Variants in ANKMY1 observed in about 807,000 individuals in gnomAD.
ANKMY1 encodes ankyrin repeat and MYND domain containing 1, also known as ankyrin repeat and MYND domain-containing protein 1.
In ANKMY1, 98 loss-of-function variants were observed where a neutral mutation model predicts 102.0. The ratio of observed to expected loss-of-function variants is 0.96; its 90% CI spans 0.82 to 1.14. ANKMY1 has a LOEUF of 1.14. ANKMY1 is among the 50% of genes most tolerant of loss of function. The pLI is 0.00. For synonymous variants in ANKMY1, 582 were observed against 559.9 expected (o/e 1.04, Z -0.56); for missense variants, 1,330 against 1,347.6 (o/e 0.99, Z 0.20).
intron 5 of ANKMY1, 60 bp from the exon 6 acceptor site, chr2:240,526,505 G>T (rs537248786): frequency 2.3e-5 from 37 of 1,603,004 alleles, no homozygotes; most frequent in Non-Finnish European, 2.8e-5. Flanking sequence ...CACGAGAAAG[G>T]GTCCAGCTGG....
intron 4 of ANKMY1, among the ~76,000 whole-genome samples, chr2:240,542,135 G>C (rs938191382): frequency 6.7e-6 from 1 of 150,214 alleles, no homozygotes; most frequent in Non-Finnish European, 1.5e-5. Context: ...TGGAACCCAG[G>C]GGGCAGAGGC....
At chr2:240,476,198 C>G (rs1214101973), downstream of ANKMY1, among the ~76,000 whole-genome samples, 1 of 152,176 alleles carries the variant, frequency 6.6e-6, no homozygotes, top group African/African-American at 2.4e-5. Flanking sequence ...CACACATATG[C>G]AGCCAACTAA....
At chr2:240,560,696 A>C, upstream of ANKMY1, 1 of 1,527,594 alleles carries the variant, frequency 6.5e-7, no homozygotes, top group Non-Finnish European at 8.7e-7. Context: ...TGGGACCGGC[A>C]GAAGCTGGGC....
chr2:240,516,392 G>A (rs1025429004), intron 9 of ANKMY1, among the ~76,000 whole-genome samples: 1 of 152,148 alleles, frequency 6.6e-6, no homozygotes, highest in African/African-American at 2.4e-5. Context: ...GAATTTTACA[G>A]AAAGTATTGT....
At chr2:240,532,251 A>C (rs963282684) in intron 4 of ANKMY1, 2 of 347,186 alleles carry the variant, frequency 5.8e-6, no homozygotes, top group Non-Finnish European at 1.2e-5. Flanking sequence ...GAAGCCAGGA[A>C]ACAATGGAGT....
chr2:240,482,056 C>G lies in ANKMY1; in HGVS notation c.2885+127G>C, dbSNP rs377232635. Reference sequence around the variant, plus strand: ...TGCAAGCAGGACTTCCTAGAGGAGGCCATGCCACTTGGGGGTCAGATGGCA... The same window carrying G: ...TGCAAGCAGGACTTCCTAGAGGAGGGCATGCCACTTGGGGGTCAGATGGCA... On this transcript the variant is annotated intron_variant, in intron 16 of 17. Coordinates refer to ENST00000401804, the MANE Select transcript of ANKMY1 (RefSeq NM_001282771.3). The G allele has an allele frequency of 6.4e-4, 659 of 1,030,856 alleles. 9 individuals carry two copies. In the South Asian group the frequency reaches 8.9e-3, roughly 14 times the overall value. The allele number at this position is 1,030,856 out of a possible 1,614,324, so 63.9% of individuals were successfully genotyped here. A position where few individuals can be genotyped will look rare whatever the true frequency, so the allele number is the denominator to read the frequency against.
the ANKMY1 span, among the ~76,000 whole-genome samples, chr2:240,469,909 C>A: frequency 7.2e-5 from 11 of 152,360 alleles, no homozygotes; most frequent in Non-Finnish European, 1.6e-4. Flanking sequence ...TCCTCCTGCA[C>A]ATGCATGCAC....
At chr2:240,545,904 G>A (rs28821870) in intron 4 of ANKMY1, among the ~76,000 whole-genome samples, 2,063 of 152,284 alleles carry the variant, frequency 0.014, 46 homozygotes, top group African/African-American at 0.047. Context: ...TGAAAGTGAC[G>A]GGGAGAATGG....
At chr2:240,498,025 C>G (rs539797330) in intron 15 of ANKMY1, among the ~76,000 whole-genome samples, 2 of 152,206 alleles carry the variant, frequency 1.3e-5, no homozygotes, top group South Asian at 4.1e-4. Flanking sequence ...CAAGGCAGAG[C>G]CTGTATCCCC....
At chr2:240,554,322 AC>A (rs988137962) in intron 3 of ANKMY1, 2 of 152,650 alleles carry the variant, frequency 1.3e-5, no homozygotes, top group Non-Finnish European at 2.9e-5. Context: ...CAGTCTTAGA[AC>A]CCCCTCGTGG....
intron 8 of ANKMY1, among the ~76,000 whole-genome samples, chr2:240,521,346 T>C (rs567806253): frequency 2.6e-5 from 4 of 152,302 alleles, no homozygotes; most frequent in East Asian, 3.9e-4. Flanking sequence ...GGGAGCTGCG[T>C]TGACGTGGGT....
chr2:240,526,958 C>T, intron 5 of ANKMY1: 2 of 1,048,580 alleles, frequency 1.9e-6, no homozygotes, highest in Non-Finnish European at 2.3e-6. Flanking sequence ...AGAACCTGTG[C>T]ATTATAGATG....
chr2:240,555,140 C>A, intron 2 of ANKMY1, 85 bp from the exon 3 acceptor site: 2 of 1,413,558 alleles, frequency 1.4e-6, no homozygotes, highest in Non-Finnish European at 2.0e-6. Context: ...CGAGCACAAC[C>A]CAGCATCTCA....
At chr2:240,500,268 T>A (rs114628392) in intron 14 of ANKMY1, 145 bp from the exon 15 acceptor site, 1 of 1,213,672 alleles carries the variant, frequency 8.2e-7, no homozygotes, top group Non-Finnish European at 1.1e-6. Context: ...TGGGAGCACA[T>A]ACAGCTGCAC....
At chr2:240,476,815 T>C (rs1219255791), downstream of ANKMY1, among the ~76,000 whole-genome samples, 1 of 152,212 alleles carries the variant, frequency 6.6e-6, no homozygotes, top group Non-Finnish European at 1.5e-5. Context: ...AGGCTACCCT[T>C]GCATACATAA....
rs2083411411 is a variant in ANKMY1, at chr2:240,526,395, T to C, written c.1004A>G (p.Lys335Arg). 1 of 1,614,078 alleles carries C rather than the reference T, an allele frequency of 6.2e-7. No homozygotes were observed. Among genetic ancestry groups the C allele is most frequent in the Non-Finnish European group, 8.5e-7 (1 of 1,180,040 alleles). ...SWNMGAILEG[K>R]RSGFAPCGPK... Reference sequence around the variant, plus strand: ...CCCACAGGGTGCAAAGCCACTGCGCTTCCCCTCCAGGATGGCGCCCATGTT... The same window carrying C: ...CCCACAGGGTGCAAAGCCACTGCGCCTCCCCTCCAGGATGGCGCCCATGTT... Residue 335 changes from lysine (K) to arginine (R), a missense_variant, in exon 6 of 18, where the codon AAG becomes AGG. Lys to Arg is a conservative substitution (Grantham distance 26, BLOSUM62 2). Transcript: ENST00000401804.
At chr2:240,510,022 T>C (rs952190245) in intron 11 of ANKMY1, among the ~76,000 whole-genome samples, 3 of 118,580 alleles carry the variant, frequency 2.5e-5, no homozygotes, top group Non-Finnish European at 5.1e-5. Context: ...TCCTCCCCCG[T>C]CCCTGTCCTC....
the ANKMY1 span, among the ~76,000 whole-genome samples, chr2:240,472,229 G>A: frequency 2.4e-5 from 3 of 123,770 alleles, no homozygotes; most frequent in East Asian, 4.0e-4. Flanking sequence ...ACCAATCCAC[G>A]GCCGCACGCG....
At position 240,489,669 on chromosome 2, in the gene ANKMY1, T is replaced by G. The variant is rs139503649; in HGVS notation, c.2807-7408A>C. Among the ~76,000 whole-genome samples the G allele has an allele frequency of 4.6e-5, 7 of 152,304 alleles. No individual in the cohort carries two copies. In the East Asian group the frequency reaches 1.3e-3, roughly 29 times the overall value. ...AGTGCTGTTGGATGTGGCTTGCTAG[T>G]ACTGTATTGAGAATTTCTGCATCTA... On this transcript the variant is annotated intron_variant, in intron 15 of 17. Coordinates refer to ENST00000401804, the MANE Select transcript of ANKMY1 (RefSeq NM_001282771.3).
Sources: gnomAD v4.1 joint callset for allele counts (sites outside exome capture counted in the v4.1 genomes callset) on GRCh38, gnomAD v4.1.1 for gene constraint, MANE v1.5 for transcripts, NCBI Gene and HGNC (gene_info 2026-07-23, HGNC 2026-07-21) for gene names.